Variants in NDST3 observed in about 807,000 individuals in gnomAD.
The protein encoded by NDST3 is N-deacetylase and N-sulfotransferase 3, also known as bifunctional heparan sulfate N-deacetylase/N-sulfotransferase 3.
A neutral mutation model predicts 96.1 loss-of-function variants in NDST3; 58 were observed. That is an observed-to-expected ratio of 0.60 (90% CI 0.49 to 0.75). NDST3 has a LOEUF of 0.75. Among genes scored for constraint, NDST3 ranks in the 30% least tolerant of loss-of-function variants. The pLI is 0.00. For synonymous variants in NDST3, 333 were observed against 359.7 expected, an observed-to-expected ratio of 0.93 and a Z score of 0.84; for missense variants, 788 against 1,034.2, an observed-to-expected ratio of 0.76 and a Z score of 3.27.
intron 6 of NDST3, among the ~76,000 whole-genome samples, chr4:118,143,896 C>CAGG: frequency 6.6e-6 from 1 of 152,216 alleles, no homozygotes; most frequent in East Asian, 1.9e-4. Context: ...ATGGCAGAAC[C>CAGG]AGGGAAGTGC....
At chr4:118,106,962 C>T (rs964975947) in intron 3 of NDST3, among the ~76,000 whole-genome samples, 58 of 151,978 alleles carry the variant, frequency 3.8e-4, no homozygotes, top group African/African-American at 1.2e-3. Context: ...TCGTGGCAGG[C>T]CCCTGTAGTC....
chr4:118,119,967 T>C (rs1443107865), intron 4 of NDST3, among the ~76,000 whole-genome samples: 2 of 152,112 alleles, frequency 1.3e-5, no homozygotes, highest in Non-Finnish European at 2.9e-5. Context: ...TCAGTCAGTC[T>C]TAAGATTTAG....
intron 4 of NDST3, among the ~76,000 whole-genome samples, chr4:118,116,246 T>C (rs1245114145): frequency 6.6e-6 from 1 of 152,214 alleles, no homozygotes. Context: ...AAAATTACTT[T>C]GTGGTTTACT....
intron 6 of NDST3, among the ~76,000 whole-genome samples, chr4:118,188,486 G>C (rs1406655601): frequency 6.6e-6 from 1 of 151,966 alleles, no homozygotes; most frequent in Non-Finnish European, 1.5e-5. Flanking sequence ...CTTAAATCCA[G>C]TTGTTTCTCC....
At chr4:118,221,860 C>G (rs1053145116) in intron 6 of NDST3, among the ~76,000 whole-genome samples, 1 of 151,830 alleles carries the variant, frequency 6.6e-6, no homozygotes, top group Non-Finnish European at 1.5e-5. Context: ...CTTTTGGTGA[C>G]AACTAATTAC....
chr4:118,120,759 C>T (rs1317838192), intron 4 of NDST3, among the ~76,000 whole-genome samples: 1 of 152,086 alleles, frequency 6.6e-6, no homozygotes, highest in Non-Finnish European at 1.5e-5. Context: ...TTTTCAAAGC[C>T]CCTCACCATC....
intron 2 of NDST3, among the ~76,000 whole-genome samples, chr4:118,086,023 G>T (rs528701069): frequency 6.6e-6 from 1 of 152,252 alleles, no homozygotes; most frequent in East Asian, 1.9e-4. Context: ...GACTACCATT[G>T]TGAGAAAGCT....
intron 9 of NDST3, 102 bp downstream of exon 9, chr4:118,233,237 A>G: frequency 9.4e-7 from 1 of 1,060,312 alleles, no homozygotes; most frequent in Non-Finnish European, 1.3e-6. Flanking sequence ...TCACAAATAA[A>G]ATTTAACCTC....
intron 6 of NDST3, among the ~76,000 whole-genome samples, chr4:118,160,445 T>G (rs1457370100): frequency 6.7e-6 from 1 of 149,984 alleles, no homozygotes; most frequent in Admixed American, 6.6e-5. Flanking sequence ...CCAGTATCTA[T>G]AAGGAACTTA....
intron 4 of NDST3, among the ~76,000 whole-genome samples, chr4:118,131,355 C>T (rs554546929): frequency 1.3e-5 from 2 of 151,914 alleles, no homozygotes; most frequent in African/African-American, 4.8e-5. Flanking sequence ...CTTTCTTCTG[C>T]TTGATCAATT....
At position 118,257,284 on chromosome 4, in the gene NDST3, A is replaced by G. The variant is rs768169067; in HGVS notation, c.*1572A>G. 7.6e-4 allele frequency: 116 copies of G among 152,148 alleles called. 1 individual carries two copies. The highest frequency in any genetic ancestry group is 2.3e-4 in the Non-Finnish European group (16 of 68,118). 9.4% of individuals were successfully genotyped at this position (152,148 alleles called of 1,614,324 possible). The stretch of plus-strand genomic sequence containing the variant: ...CTCCTGAGGAGCTGGGATTACAGCC[A>G]TGCACCACCACGCCCGGGTAATTTT... On this transcript the variant is annotated 3_prime_UTR_variant, in exon 14 of 14. Transcript: ENST00000296499.
At chr4:118,121,780 G>A in intron 4 of NDST3, among the ~76,000 whole-genome samples, 2 of 152,144 alleles carry the variant, frequency 1.3e-5, no homozygotes, top group East Asian at 3.8e-4. Flanking sequence ...AAGGTGAACT[G>A]CTGCTTTTTC....
intron 6 of NDST3, among the ~76,000 whole-genome samples, chr4:118,196,601 C>A (rs1006983974): frequency 1.3e-5 from 2 of 151,920 alleles, no homozygotes; most frequent in African/African-American, 4.8e-5. Flanking sequence ...AGGAATTTGC[C>A]CATTTCTTCT....
Position 118,238,430 on chromosome 4 carries a change from T to A in NDST3, c.2118+1210T>A, listed in dbSNP as rs73843411. Among the ~76,000 whole-genome samples the A allele has an allele frequency of 5.4e-3, 824 of 152,230 alleles. 4 individuals are homozygous for A. Among genetic ancestry groups the A allele is most frequent in the African/African-American group, 0.014 (595 of 41,530 alleles). On this transcript the variant is annotated intron_variant, in intron 10 of 13. Coordinates refer to ENST00000296499, the MANE Select transcript of NDST3 (RefSeq NM_004784.3). Reference sequence around the variant, plus strand: ...ATAAATCATTGCAAATAGGAAACAATCTTTTAAAACTTGTTTCGGTGATAA... The same window carrying A: ...ATAAATCATTGCAAATAGGAAACAAACTTTTAAAACTTGTTTCGGTGATAA...
At chr4:118,166,571 A>C (rs1735564158) in intron 6 of NDST3, among the ~76,000 whole-genome samples, 1 of 152,044 alleles carries the variant, frequency 6.6e-6, no homozygotes, top group Non-Finnish European at 1.5e-5. Context: ...ATAGCCTGAT[A>C]CCAAAGCCAG....
At chr4:118,152,870 A>C (rs1734490626) in intron 6 of NDST3, among the ~76,000 whole-genome samples, 1 of 152,212 alleles carries the variant, frequency 6.6e-6, no homozygotes, top group Non-Finnish European at 1.5e-5. Flanking sequence ...CGTCCGCTGG[A>C]TTCTCAGGTC....
intron 6 of NDST3, among the ~76,000 whole-genome samples, chr4:118,151,781 T>C (rs189236668): frequency 6.6e-6 from 1 of 152,340 alleles, no homozygotes; most frequent in East Asian, 1.9e-4. Context: ...AACTCTACCT[T>C]AAACTGGATT....
At chr4:118,112,558 G>A (rs1730724769) in intron 3 of NDST3, among the ~76,000 whole-genome samples, 1 of 152,186 alleles carries the variant, frequency 6.6e-6, no homozygotes, top group Admixed American at 6.5e-5. Flanking sequence ...GTGTCCTGGA[G>A]ACTACAAAAT....
chr4:118,069,608 C>A (rs1318996843), intron 2 of NDST3, among the ~76,000 whole-genome samples: 1 of 151,926 alleles, frequency 6.6e-6, no homozygotes, highest in Non-Finnish European at 1.5e-5. Flanking sequence ...CAATTCTCTC[C>A]TCAGTCTCTC....
Sources: gnomAD v4.1 joint callset for allele counts (sites outside exome capture counted in the v4.1 genomes callset) on GRCh38, gnomAD v4.1.1 for gene constraint, MANE v1.5 for transcripts, NCBI Gene and HGNC (gene_info 2026-07-23, HGNC 2026-07-21) for gene names.